The following SGMS1 variants were observed in gnomAD, a reference collection of about 807,000 sequenced individuals.
SGMS1 encodes phosphatidylcholine:ceramide cholinephosphotransferase 1.
Under a neutral mutation model 46.2 loss-of-function variants are expected in SGMS1, and 13 were observed. That is an observed-to-expected ratio of 0.28 (90% confidence interval 0.18 to 0.45). SGMS1 has a LOEUF of 0.45. SGMS1 is among the 20% of genes least tolerant of loss of function. SGMS1 has a pLI of 1.00. For missense variants in SGMS1, 324 were observed against 519.9 expected (o/e 0.62, Z 3.66); for synonymous variants, 203 against 187.8 (o/e 1.08, Z -0.66).
At chr10:50,510,342 A>C (rs989596026) in intron 3 of SGMS1, among the ~76,000 whole-genome samples, 1 of 152,196 alleles carries the variant, frequency 6.6e-6, no homozygotes, top group Non-Finnish European at 1.5e-5. Context: ...AAGCTGTTAG[A>C]AGTATTAGCC....
chr10:50,359,115 G>C (rs544645582), intron 6 of SGMS1, among the ~76,000 whole-genome samples: 14 of 152,156 alleles, frequency 9.2e-5, no homozygotes, highest in Non-Finnish European at 2.1e-4. Context: ...AACTAAGTAA[G>C]TGTGTGCTGA....
chr10:50,564,317 T>G (rs1354762021), intron 2 of SGMS1, among the ~76,000 whole-genome samples: 1 of 152,244 alleles, frequency 6.6e-6, no homozygotes, highest in Non-Finnish European at 1.5e-5. Context: ...AATGTCTGTT[T>G]CCTGACCCGG....
intron 2 of SGMS1, among the ~76,000 whole-genome samples, chr10:50,553,898 G>A (rs986193403): frequency 6.6e-6 from 1 of 152,176 alleles, no homozygotes; most frequent in Non-Finnish European, 1.5e-5. Flanking sequence ...CAAAGCAACA[G>A]ATGAAATTAT....
intron 6 of SGMS1, chr10:50,418,058 A>C (rs1235566236): frequency 6.6e-6 from 1 of 152,226 alleles, no homozygotes; most frequent in Non-Finnish European, 1.5e-5. Flanking sequence ...CCGGAGCAAC[A>C]CTTACGGTCT....
At chr10:50,510,673 G>C (rs1837745808) in intron 3 of SGMS1, among the ~76,000 whole-genome samples, 1 of 151,452 alleles carries the variant, frequency 6.6e-6, no homozygotes, top group Non-Finnish European at 1.5e-5. Context: ...AAACATTGTA[G>C]AATGTTCCTG....
At chr10:50,422,202 C>G (rs1030056923) in intron 6 of SGMS1, among the ~76,000 whole-genome samples, 36 of 152,142 alleles carry the variant, frequency 2.4e-4, no homozygotes, top group Non-Finnish European at 1.2e-4. Context: ...GGAAATCCAT[C>G]TGAGGTAGAC....
intron 2 of SGMS1, among the ~76,000 whole-genome samples, chr10:50,522,839 C>T (rs1837868016): frequency 6.6e-6 from 1 of 152,132 alleles, no homozygotes; most frequent in Non-Finnish European, 1.5e-5. Flanking sequence ...TACATGACCT[C>T]TGGTACCGCC....
At chr10:50,610,887 T>A (rs1266861912) in intron 1 of SGMS1, among the ~76,000 whole-genome samples, 2 of 152,174 alleles carry the variant, frequency 1.3e-5, no homozygotes, top group African/African-American at 2.4e-5. Context: ...GCTGCCAGTC[T>A]CCACAATTCT....
intron 2 of SGMS1, among the ~76,000 whole-genome samples, chr10:50,586,621 C>T (rs1402741658): frequency 1.3e-5 from 2 of 152,172 alleles, no homozygotes; most frequent in African/African-American, 4.8e-5. Context: ...GAGAAGAGGA[C>T]GTAGAAAACA....
intron 6 of SGMS1, among the ~76,000 whole-genome samples, chr10:50,387,505 C>G (rs536165700): frequency 1.3e-5 from 2 of 152,158 alleles, no homozygotes; most frequent in South Asian, 4.1e-4. Context: ...TAAGAAGATT[C>G]AGGCAATACA....
In SGMS1 at chr10:50,504,077, T is replaced by A. The variant is rs535170699; in HGVS notation, c.-498+15754A>T. 1.3e-5 allele frequency among the ~76,000 whole-genome samples: 2 copies of A among 152,330 alleles called. 1 individual carries two copies. The highest frequency in any genetic ancestry group is 4.1e-4 in the South Asian group (2 of 4,832). Reference sequence around the variant, plus strand: ...AGGATTCTGAATGAGATGGCCTACATAAACAGTGCCCATAGCTCCTGTCTG... The same window carrying A: ...AGGATTCTGAATGAGATGGCCTACAAAAACAGTGCCCATAGCTCCTGTCTG... On this transcript the variant is annotated intron_variant, in intron 3 of 10. Transcript: ENST00000361781.
Position 50,397,346 on chromosome 10 carries a change from C to T in SGMS1, c.-232+36130G>A, listed in dbSNP as rs1848861543. 2.0e-5 allele frequency among the ~76,000 whole-genome samples: 3 copies of T among 152,194 alleles called. No homozygotes were observed. The South Asian group carries it at 6.2e-4, about 32-fold the overall frequency. ...TCTAGAACCTCAAATCATACACATG[C>T]ACAATAAAGCAAGATGAAGATGTTA... On this transcript the variant is annotated intron_variant, in intron 6 of 10. Coordinates refer to ENST00000361781, the MANE Select transcript of SGMS1 (RefSeq NM_147156.4).
chr10:50,430,381 G>A (rs189809713), intron 6 of SGMS1, among the ~76,000 whole-genome samples: 2 of 147,916 alleles, frequency 1.4e-5, no homozygotes, highest in East Asian at 2.0e-4. Flanking sequence ...AACTGAAGCC[G>A]ATTTCAAAAC....
At chr10:50,532,427 G>T (rs1035267390) in intron 2 of SGMS1, among the ~76,000 whole-genome samples, 5 of 152,076 alleles carry the variant, frequency 3.3e-5, no homozygotes, top group Non-Finnish European at 5.9e-5. Context: ...TATAAGTATA[G>T]CTCATATCCA....
At chr10:50,616,500 C>G (rs547949278) in intron 1 of SGMS1, among the ~76,000 whole-genome samples, 41 of 152,254 alleles carry the variant, frequency 2.7e-4, no homozygotes, top group Admixed American at 1.8e-3. Flanking sequence ...AGCAACAACT[C>G]TGTTTCAAGA....
intron 1 of SGMS1, among the ~76,000 whole-genome samples, chr10:50,616,119 T>C (rs1459572976): frequency 6.6e-6 from 1 of 152,128 alleles, no homozygotes; most frequent in East Asian, 1.9e-4. Context: ...ATGAGATTTA[T>C]TTTATTTATT....
intron 6 of SGMS1, among the ~76,000 whole-genome samples, chr10:50,354,077 T>C (rs1448378143): frequency 6.7e-6 from 1 of 150,334 alleles, no homozygotes; most frequent in Non-Finnish European, 1.5e-5. Context: ...CTTCACAGAA[T>C]TGGAAAAAAC....
chr10:50,613,830 A>T (rs1838772302), intron 1 of SGMS1, among the ~76,000 whole-genome samples: 2 of 152,230 alleles, frequency 1.3e-5, no homozygotes, highest in Non-Finnish European at 2.9e-5. Flanking sequence ...CAAGACAGAA[A>T]ACTTCTGCTA....
At chr10:50,412,774 T>C (rs1300121172) in intron 6 of SGMS1, among the ~76,000 whole-genome samples, 2 of 152,264 alleles carry the variant, frequency 1.3e-5, no homozygotes, top group African/African-American at 2.4e-5. Flanking sequence ...CATGTTTTTA[T>C]AGTGGAACAA....
Sources: gnomAD v4.1 joint callset for allele counts (sites outside exome capture counted in the v4.1 genomes callset) on GRCh38, gnomAD v4.1.1 for gene constraint, MANE v1.5 for transcripts, NCBI Gene and HGNC (gene_info 2026-07-23, HGNC 2026-07-21) for gene names.